UBR4: variants seen among roughly 807,000 people sequenced by gnomAD.
The protein encoded by UBR4 is ubiquitin protein ligase E3 component n-recognin 4.
In UBR4, 124 loss-of-function variants were observed where a neutral mutation model predicts 575.6. The observed-to-expected ratio is 0.22, with a 90% confidence interval of 0.19 to 0.25. The LOEUF is 0.25. Among genes scored for constraint, UBR4 ranks in the 10% least tolerant of loss-of-function variants. The pLI is 1.00. For missense variants in UBR4, 4,818 were observed against 6,478.8 expected (o/e 0.74, Z 8.80); for synonymous variants, 2,455 against 2,473.7 (o/e 0.99, Z 0.22).
intron 71 of UBR4, chr1:19,118,260 T>G (rs1256326756): frequency 5.5e-6 from 1 of 181,338 alleles, no homozygotes; most frequent in Non-Finnish European, 1.2e-5. Context: ...AATAAAGTTT[T>G]TTTAAATTTT....
intron 34 of UBR4, among the ~76,000 whole-genome samples, chr1:19,162,988 C>T (rs1451357832): frequency 6.6e-6 from 1 of 152,122 alleles, no homozygotes; most frequent in African/African-American, 2.4e-5. Context: ...CATTTTTTAA[C>T]CATTAAGTGA....
chr1:19,193,125 T>C (rs1008364227), intron 9 of UBR4, among the ~76,000 whole-genome samples: 1 of 152,176 alleles, frequency 6.6e-6, no homozygotes, highest in Non-Finnish European at 1.5e-5. Flanking sequence ...TTAATCACTA[T>C]CGGAAATTTT....
intron 71 of UBR4, 139 bp downstream of exon 71, chr1:19,118,733 G>C: frequency 1.3e-6 from 1 of 762,890 alleles, no homozygotes; most frequent in Non-Finnish European, 2.2e-6. Context: ...CTACATGGAG[G>C]GGATTGGAAT....
In UBR4 at chr1:19,117,328, G is replaced by C; in HGVS notation, c.10716C>G (p.Ser3572Arg). Reference protein sequence around the residue: ...VVKLIGSHTISKVTVKIGDLK... With the variant: ...VVKLIGSHTIRKVTVKIGDLK... ...GATCCCCGATTTTCACTGTCACTTTGCTGATGGTGTGACTGCCAATGAGCT... is the reference window on the plus strand; with the variant it reads ...GATCCCCGATTTTCACTGTCACTTTCCTGATGGTGTGACTGCCAATGAGCT... The change falls in exon 73 of 106, where the codon AGC becomes AGG. Residue 3572 changes from serine (S) to arginine (R), a missense_variant. Physicochemically the swap from Ser to Arg is moderately radical, Grantham distance 110. Around this residue, in one of 29 missense-constraint regions of UBR4, gnomAD observed 550 missense variants for 791.5 expected, o/e 0.69. Transcript: ENST00000375254. This position sits in a 1 kb window ranked among gnomAD's most constrained non-coding sequence, Gnocchi z 4.0. 3 of 1,614,178 alleles carry C rather than the reference G, an allele frequency of 1.9e-6. No individual in the cohort carries two copies. Among genetic ancestry groups the C allele is most frequent in the South Asian group, 2.2e-5 (2 of 91,078 alleles).
In UBR4 at chr1:19,145,879, C is replaced by T. The variant is rs1189109778; in HGVS notation, c.7859G>A (p.Ser2620Asn). ...PQKQLEGDCCSFITQLVNHFW... is the reference protein window; with the variant it reads ...PQKQLEGDCCNFITQLVNHFW... ...GTGGTTCACAAGCTGGGTGATGAAA[C>T]TACAGCAATCTCCTTCCAACTGCTT... The change falls in exon 53 of 106, where the codon AGT becomes AAT. Residue 2620 changes from serine (S) to asparagine (N), a missense_variant. Around this residue, in one of 29 missense-constraint regions of UBR4, gnomAD observed 340 missense variants for 375.4 expected, o/e 0.91. Transcript: ENST00000375254. 1 of 1,614,204 alleles carries T rather than the reference C, an allele frequency of 6.2e-7. No individual in the cohort carries two copies. The highest frequency in any genetic ancestry group is 1.7e-5 in the Admixed American group (1 of 60,032).
chr1:19,150,960 C>A (rs2085601170), intron 48 of UBR4, 167 bp from the exon 49 acceptor site: 1 of 704,708 alleles, frequency 1.4e-6, no homozygotes, highest in Non-Finnish European at 2.3e-6. Context: ...TGTATATATG[C>A]TGAATACATG....
Position 19,128,994 on chromosome 1 carries a change from G to A in UBR4, c.8987C>T (p.Ala2996Val), listed in dbSNP as rs140678104. ...PQLRNVGGVR[A>V]IPYMQVILML... is the part of the protein sequence containing the mutation. Reference sequence around the variant, plus strand: ...AAGAGATACCTGCATGTATGGGATGGCCCGGACACCGCCAACGTTTCGTAA... The same window carrying A: ...AAGAGATACCTGCATGTATGGGATGACCCGGACACCGCCAACGTTTCGTAA... Residue 2996 changes from alanine (A) to valine (V), a missense_variant, in exon 61 of 106, where the codon GCC (alanine) becomes GTC (valine). Ala to Val is a moderately conservative substitution (Grantham distance 64). Transcript: ENST00000375254. 12 of 1,613,926 alleles carry A rather than the reference G, an allele frequency of 7.4e-6. No homozygotes were observed. The African/African-American group carries it at 1.5e-4, about 20-fold the overall frequency.
chr1:19,092,982 T>A, intron 96 of UBR4, 64 bp from the exon 97 acceptor site: 2 of 1,460,424 alleles, frequency 1.4e-6, no homozygotes, highest in Non-Finnish European at 9.5e-7. Context: ...AAACCAGTTG[T>A]TGACTCTGGC....
intron 9 of UBR4, among the ~76,000 whole-genome samples, chr1:19,193,049 T>C (rs1414987335): frequency 6.6e-6 from 1 of 152,120 alleles, no homozygotes; most frequent in Non-Finnish European, 1.5e-5. Flanking sequence ...AGTACTGGGA[T>C]CACAGGTGTG....
At position 19,198,914 on chromosome 1, in the gene UBR4, G is replaced by C. The variant is rs1313837226; in HGVS notation, c.393C>G (p.Leu131=). 3 of 1,613,764 alleles carry C rather than the reference G, an allele frequency of 1.9e-6. No homozygotes were observed. The highest frequency in any genetic ancestry group is 4.5e-5 in the East Asian group (2 of 44,892). Residue 131 remains leucine, a synonymous_variant, in exon 4 of 106, where the codon CTC becomes CTG. Transcript: ENST00000375254. ...AGCCAGTGCACAGGCCCTTGATTAG[G>C]AGAATCAAGTGTTTCTGAAAAGAAA... is the stretch of plus-strand genomic sequence containing the variant. ...ACAVSQKHLI[L]LIKGLCTGCS... is the part of the protein sequence containing the mutation.
chr1:19,162,804 G>A (rs2087602155), intron 34 of UBR4, among the ~76,000 whole-genome samples, 193 bp from the exon 35 acceptor site: 1 of 152,178 alleles, frequency 6.6e-6, no homozygotes, highest in Non-Finnish European at 1.5e-5. Context: ...AAATTGTACT[G>A]AAGTAACATG....
Position 19,129,067 on chromosome 1 carries a change from T to C in UBR4, c.8914A>G (p.Met2972Val). The change falls in exon 61 of 106, where the codon ATG becomes GTG. Residue 2972 changes from methionine to valine, a missense_variant. By Grantham distance (21) the Met-to-Val change is conservative. This residue lies in a region of UBR4 where 87 missense variants were observed against 82.8 expected (regional missense o/e 1.05). Coordinates refer to ENST00000375254, the MANE Select transcript of UBR4 (RefSeq NM_020765.3). ...GDVHTSNRLH[M>V]VRLMLLERLL... ...CTCTCCAACAGCATTAGACGGACCATGTGCAGCCTAAAAGGGTGGGGAAAA... is the reference window on the plus strand; with the variant it reads ...CTCTCCAACAGCATTAGACGGACCACGTGCAGCCTAAAAGGGTGGGGAAAA... 6 of 1,614,046 alleles carry C rather than the reference T, an allele frequency of 3.7e-6. No homozygotes were observed. The highest frequency in any genetic ancestry group is 2.2e-5 in the East Asian group (1 of 44,868).
At chr1:19,205,255 A>C (rs936189148) in intron 1 of UBR4, among the ~76,000 whole-genome samples, 7 of 152,224 alleles carry the variant, frequency 4.6e-5, no homozygotes, top group African/African-American at 9.6e-5. Context: ...ATGTGTAAGT[A>C]AAAAAAGAAC....
At chr1:19,101,385 G>A (rs2078621274) in intron 88 of UBR4, 135 bp downstream of exon 88, 4 of 1,257,756 alleles carry the variant, frequency 3.2e-6, no homozygotes, top group Non-Finnish European at 4.1e-6. Context: ...TATGGCGGTG[G>A]ATCTTCTTTC....
rs771173222 is a variant in UBR4, at chr1:19,197,748, C to T, written c.815G>A (p.Arg272Gln). Residue 272 changes from arginine to glutamine, a missense_variant, in exon 7 of 106, where the codon CGG becomes CAG. By Grantham distance (43) the Arg-to-Gln change is conservative. This residue lies in a region of UBR4 where 131 missense variants were observed against 214.5 expected (regional missense o/e 0.61). Transcript: ENST00000375254. Reference protein sequence around the residue: ...NLPYFLRYINRFQDAVLANSF... With the variant: ...NLPYFLRYINQFQDAVLANSF... ...ATTAGCTAAAACTGCATCTTGGAAC[C>T]GATTGATATAGCGTAGGAAATATGG... 2 of 1,614,168 alleles carry T rather than the reference C, an allele frequency of 1.2e-6. No homozygotes were observed. The highest frequency in any genetic ancestry group is 1.1e-5 in the South Asian group (1 of 91,076).
intron 93 of UBR4, 29 bp downstream of exon 93, chr1:19,095,516 C>T (rs1349035617): frequency 1.2e-6 from 2 of 1,607,500 alleles, no homozygotes; most frequent in South Asian, 2.2e-5. Flanking sequence ...AAGGCCCACT[C>T]TTCTTCACCT....
intron 18 of UBR4, 138 bp from the exon 19 acceptor site, chr1:19,177,881 T>C (rs2090444444): frequency 5.4e-6 from 6 of 1,106,518 alleles, no homozygotes; most frequent in Non-Finnish European, 7.5e-6. Context: ...AAAGGCTACA[T>C]GGTAAAGACA....
In UBR4 at chr1:19,100,526, G is replaced by A. The variant is rs773987207; in HGVS notation, c.13071C>T (p.Pro4357=). 1 of 1,614,022 alleles carries A rather than the reference G, an allele frequency of 6.2e-7. No homozygotes were observed. The highest frequency in any genetic ancestry group is 1.3e-5 in the African/African-American group (1 of 74,996). Residue 4357 remains proline (P), a synonymous_variant, in exon 89 of 106, where the codon CCC becomes CCT. Coordinates refer to ENST00000375254, the MANE Select transcript of UBR4 (RefSeq NM_020765.3). The surrounding 1 kb of genome is among the most constrained non-coding windows in gnomAD (Gnocchi z 4.2). ...TEFFVTLEKD[P]QQEDFLQGRM... ...TGCCCTGTAAGAAGTCTTCTTGTTG[G>A]GGATCCTTCTCCAGGGTCACAAAGA...
chr1:19,169,375 G>A (rs1434903469), intron 27 of UBR4, 60 bp downstream of exon 27: 2 of 1,466,310 alleles, frequency 1.4e-6, no homozygotes, highest in East Asian at 4.7e-5. Context: ...TTAGGCTTAA[G>A]AACAAAAGAC....
Sources: allele counts gnomAD v4.1 joint callset (sites outside exome capture counted in the v4.1 genomes callset), GRCh38; gene constraint gnomAD v4.1.1; regional missense constraint gnomAD v4.1.1; non-coding constraint Gnocchi (gnomAD v3.1); transcripts MANE v1.5; gene names NCBI Gene and HGNC (gene_info 2026-07-23, HGNC 2026-07-21).